NUDT13: variants seen among roughly 807,000 people sequenced by gnomAD.
NUDT13 encodes NAD(P)H pyrophosphatase NUDT13, mitochondrial.
A neutral mutation model predicts 41.7 loss-of-function variants in NUDT13; 40 were observed. The ratio of observed to expected loss-of-function variants is 0.96; its 90% confidence interval spans 0.75 to 1.25. NUDT13 has a LOEUF of 1.25. Among genes scored for constraint, NUDT13 ranks in the 50% most tolerant of loss-of-function variants. NUDT13 has a pLI of 0.00. For missense variants in NUDT13, 390 were observed against 416.1 expected, an observed-to-expected ratio of 0.94 and a Z score of 0.55; for synonymous variants, 145 against 155.5, an observed-to-expected ratio of 0.93 and a Z score of 0.50.
At chr10:73,124,165 A>G (rs1236711627) in intron 4 of NUDT13, 49 bp from the exon 5 acceptor site, 2 of 1,334,030 alleles carry the variant, frequency 1.5e-6, no homozygotes, top group Admixed American at 3.4e-5. Context: ...AGAGGCCCTG[A>G]GGCAAAGTTT....
chr10:73,124,700 G>T (rs1343773321), intron 5 of NUDT13: 4 of 202,542 alleles, frequency 2.0e-5, no homozygotes, highest in African/African-American at 6.9e-5. Flanking sequence ...ACTTGCTAAA[G>T]TATTTTGATT....
At chr10:73,129,434 A>G (rs1842864682) in intron 8 of NUDT13, among the ~76,000 whole-genome samples, 1 of 151,600 alleles carries the variant, frequency 6.6e-6, no homozygotes, top group East Asian at 1.9e-4. Flanking sequence ...TTGGCCTCCC[A>G]AAGTGTTGGG....
intron 8 of NUDT13, 109 bp downstream of exon 8, chr10:73,126,936 A>G: frequency 1.0e-6 from 1 of 958,872 alleles, no homozygotes; most frequent in Non-Finnish European, 1.6e-6. Context: ...TCTAGATTAC[A>G]TAAACATGTG....
intron 3 of NUDT13, among the ~76,000 whole-genome samples, chr10:73,121,307 C>T (rs757884485): frequency 3.5e-4 from 53 of 152,274 alleles, no homozygotes; most frequent in Admixed American, 1.2e-3. Context: ...TACTAACTTC[C>T]GTATTGCCAG....
chr10:73,129,994 T>G (rs886812261), intron 8 of NUDT13, among the ~76,000 whole-genome samples: 2 of 150,698 alleles, frequency 1.3e-5, no homozygotes, highest in African/African-American at 4.9e-5. Context: ...AAAAAAAAAG[T>G]AATATTTGTA....
chr10:73,114,488 G>T (rs745672115), intron 2 of NUDT13, 40 bp downstream of exon 2: 2 of 1,115,324 alleles, frequency 1.8e-6, no homozygotes, highest in South Asian at 1.6e-5. Context: ...ATTCTGTTTG[G>T]CCCATTAAAC....
In NUDT13 at chr10:73,124,311, G is replaced by A; in HGVS notation, c.456G>A (p.Leu152=). 1.2e-6 allele frequency: 2 copies of A among 1,607,724 alleles called. No individual in the cohort carries two copies. The highest frequency in any genetic ancestry group is 1.7e-6 in the Non-Finnish European group (2 of 1,175,032). Residue 152 remains leucine (L), a synonymous_variant, in exon 5 of 9, where the codon TTG becomes TTA. Coordinates refer to ENST00000357321, the MANE Select transcript of NUDT13 (RefSeq NM_015901.6). ...AACTCAATGCAAGGGATGCCTCCTT[G>A]CTGTCCACGGTAGATTCTGATTTCT... ...LFQLNARDAS[L]LSTAQALLRW... is the part of the protein sequence containing the mutation.
chr10:73,126,328 T>A (rs1387190624), intron 7 of NUDT13: 3 of 199,044 alleles, frequency 1.5e-5, no homozygotes, highest in Admixed American at 5.7e-5. Flanking sequence ...TATTTCAGCA[T>A]GCGTAACATT....
Position 73,130,994 on chromosome 10 carries a change from G to A in NUDT13, c.*91G>A. On this transcript the variant is annotated 3_prime_UTR_variant, in exon 9 of 9. Transcript: ENST00000357321. ...AAGGAGAAGTGACAAAAGATAAGCT[G>A]CAGAAGGACCTCAGAAGGGCAGAGC... 8.8e-7 allele frequency: 1 copy of A among 1,130,442 alleles called. No individual in the cohort carries two copies. 70.0% of individuals were successfully genotyped at this position (1,130,442 alleles called of 1,614,324 possible).
chr10:73,126,096 T>TAC (rs1842770230), intron 7 of NUDT13: 2 of 253,840 alleles, frequency 7.9e-6, no homozygotes, highest in East Asian at 1.9e-4. Context: ...AGGCATTTGT[T>TAC]TGTAGGGAGG....
In NUDT13 at chr10:73,124,738, A is replaced by G. The variant is rs558701529; in HGVS notation, c.466-380A>G. 319 of 205,530 alleles carry G rather than the reference A, an allele frequency of 1.6e-3. 1 individual carries two copies. Among genetic ancestry groups the G allele is most frequent in the Non-Finnish European group, 2.5e-3 (261 of 103,068 alleles). The allele number at this position is 205,530 out of a possible 1,614,324, so 12.7% of individuals were successfully genotyped here. A position where few individuals can be genotyped will look rare whatever the true frequency, so the allele number is the denominator to read the frequency against. On this transcript the variant is annotated intron_variant, in intron 5 of 8. Transcript: ENST00000357321. ...GCATTTAATTTAAAAAGAAACCTCT[A>G]AACATTTTTTTAGTTGCAAAAAATT...
intron 3 of NUDT13, among the ~76,000 whole-genome samples, chr10:73,121,960 C>T (rs1842654983): frequency 6.6e-6 from 1 of 152,152 alleles, no homozygotes; most frequent in Non-Finnish European, 1.5e-5. Context: ...AGAATTCCTT[C>T]TTTGGTCTAA....
chr10:73,125,099 C>A lies in NUDT13; in HGVS notation c.466-19C>A. The A allele has an allele frequency of 6.3e-7, 1 of 1,597,988 alleles. No individual in the cohort carries two copies. On this transcript the variant is annotated intron_variant, in intron 5 of 8. Transcript: ENST00000357321. Reference sequence around the variant, plus strand: ...CGCATTCTCTCCAAATGACACCAGGCCCATCATTGTGTTCCTAGGCTCAAG... The same window carrying A: ...CGCATTCTCTCCAAATGACACCAGGACCATCATTGTGTTCCTAGGCTCAAG...
intron 7 of NUDT13, 45 bp downstream of exon 7, chr10:73,125,554 A>G (rs1273967343): frequency 1.7e-6 from 2 of 1,210,998 alleles, no homozygotes; most frequent in Non-Finnish European, 1.2e-6. Flanking sequence ...AAGATATACA[A>G]TCTTACTAAT....
At position 73,110,506 on chromosome 10, in the gene NUDT13, T is replaced by C. The variant is rs139659944; in HGVS notation, c.-71T>C. 1 of 152,330 alleles carries C rather than the reference T, an allele frequency of 6.6e-6. No individual in the cohort carries two copies. Among genetic ancestry groups the C allele is most frequent in the East Asian group, 1.9e-4 (1 of 5,174 alleles). 9.4% of individuals were successfully genotyped at this position (152,330 alleles called of 1,614,324 possible). On this transcript the variant is annotated 5_prime_UTR_variant, in exon 1 of 9. Transcript: ENST00000357321. ...ACGGAAGCCGTTGAACGTGAACATT[T>C]GGAGTTTCCTCTTTTGTGCTGATTC...
chr10:73,116,308 C>T (rs1000240189), intron 2 of NUDT13, among the ~76,000 whole-genome samples: 5 of 151,986 alleles, frequency 3.3e-5, no homozygotes, highest in Non-Finnish European at 7.4e-5. Flanking sequence ...CATGCCCAGC[C>T]TAAGAAATGA....
rs1842662705 is a variant in NUDT13, at chr10:73,122,269, TGCTCTGGATCTA to T, written c.320_331del (p.Ala107_Leu110del). 1.2e-6 allele frequency: 2 copies of T among 1,614,048 alleles called. No individual in the cohort carries two copies. Among genetic ancestry groups the T allele is most frequent in the Admixed American group, 3.3e-5 (2 of 59,996 alleles). On this transcript the variant is annotated inframe_deletion, in exon 4 of 9. Coordinates refer to ENST00000357321, the MANE Select transcript of NUDT13 (RefSeq NM_015901.6). ...GCTCTGAGCAGCAGGAAGCATGGTT[TGCTCTGGATCTA>T]GGTCTGGATAGCTCCTTTTCCATAA...
At chr10:73,128,396 T>C (rs1842841709) in intron 8 of NUDT13, among the ~76,000 whole-genome samples, 2 of 152,206 alleles carry the variant, frequency 1.3e-5, no homozygotes, top group Admixed American at 6.5e-5. Context: ...CTGTCCGTTG[T>C]ACTTTTTTAA....
At chr10:73,126,976 G>T in intron 8 of NUDT13, 149 bp downstream of exon 8, 1 of 706,630 alleles carries the variant, frequency 1.4e-6, no homozygotes, top group Non-Finnish European at 2.3e-6. Context: ...GAGCACGGTG[G>T]CTCATGCCTG....
Sources: allele counts gnomAD v4.1 joint callset (sites outside exome capture counted in the v4.1 genomes callset), GRCh38; gene constraint gnomAD v4.1.1; transcripts MANE v1.5; gene names NCBI Gene and HGNC (gene_info 2026-07-23, HGNC 2026-07-21).